Variants in EBF2 observed in about 807,000 individuals in gnomAD.
EBF2 encodes transcription factor COE2.
A neutral mutation model predicts 72.8 loss-of-function variants in EBF2; 21 were observed. That is an observed-to-expected ratio of 0.29 (90% CI 0.20 to 0.42). The LOEUF (loss-of-function observed/expected upper bound fraction) is 0.42, where lower values mean the gene tolerates loss of function less well. EBF2 is among the 10% of genes least tolerant of loss of function. EBF2 has a pLI of 1.00. For missense variants in EBF2, 637 were observed against 731.2 expected (o/e 0.87, Z 1.49); for synonymous variants, 299 against 274.2 (o/e 1.09, Z -0.89).
intron 6 of EBF2, among the ~76,000 whole-genome samples, chr8:26,002,169 C>T (rs1804738802): frequency 6.6e-6 from 1 of 152,128 alleles, no homozygotes; most frequent in Non-Finnish European, 1.5e-5. Flanking sequence ...CAGCCCAGGG[C>T]CAGGATCCCA....
intron 6 of EBF2, among the ~76,000 whole-genome samples, chr8:25,932,329 T>C (rs1803498224): frequency 6.6e-6 from 1 of 151,230 alleles, no homozygotes; most frequent in Non-Finnish European, 1.5e-5. Context: ...CAGGTTGAAA[T>C]TGATGCAATT....
intron 6 of EBF2, among the ~76,000 whole-genome samples, chr8:25,986,661 C>T (rs1585217247): frequency 7.0e-6 from 1 of 142,410 alleles, no homozygotes; most frequent in South Asian, 2.4e-4. Context: ...TATGATACAC[C>T]AATAACAACA....
At chr8:25,856,951 C>CT (rs1301860481) in intron 14 of EBF2, among the ~76,000 whole-genome samples, 1 of 152,122 alleles carries the variant, frequency 6.6e-6, no homozygotes, top group Admixed American at 6.6e-5. Context: ...ATATTTGTTT[C>CT]TTTTAGCTCA....
chr8:25,968,009 T>C (rs1185175559), intron 6 of EBF2, among the ~76,000 whole-genome samples: 2 of 152,234 alleles, frequency 1.3e-5, no homozygotes, highest in African/African-American at 4.8e-5. Flanking sequence ...CAATATGCAC[T>C]TACAGTATGC....
intron 6 of EBF2, among the ~76,000 whole-genome samples, chr8:25,943,969 C>T (rs1392534155): frequency 6.6e-6 from 1 of 152,112 alleles, no homozygotes; most frequent in Non-Finnish European, 1.5e-5. Context: ...AGAACAGGGT[C>T]CCAGTTGTGT....
intron 6 of EBF2, among the ~76,000 whole-genome samples, chr8:25,962,367 G>A (rs543528131): frequency 1.3e-5 from 2 of 152,172 alleles, no homozygotes; most frequent in African/African-American, 4.8e-5. Context: ...AGAATAACAA[G>A]CCCCTCCAGA....
At chr8:25,925,104 C>T (rs1247454619) in intron 6 of EBF2, among the ~76,000 whole-genome samples, 1 of 152,116 alleles carries the variant, frequency 6.6e-6, no homozygotes, top group Non-Finnish European at 1.5e-5. Flanking sequence ...TGGTCATTTT[C>T]CTATTGTTGG....
intron 10 of EBF2, among the ~76,000 whole-genome samples, chr8:25,871,830 GTATAA>G (rs1802443592): frequency 6.6e-6 from 1 of 151,864 alleles, no homozygotes; most frequent in African/African-American, 2.4e-5. Context: ...TTGATTGCGG[GTATAA>G]TATATGAGAT....
chr8:25,890,571 C>A (rs999451748), intron 7 of EBF2, among the ~76,000 whole-genome samples: 6 of 152,122 alleles, frequency 3.9e-5, no homozygotes, highest in Non-Finnish European at 8.8e-5. Flanking sequence ...AATTACTTCA[C>A]CTTTTCTAAT....
In EBF2 at chr8:25,886,785, T is replaced by G; in HGVS notation, c.979A>C (p.Lys327Gln). Reference protein sequence around the residue: ...TLSYKSKQFCKGAPGRFIYTA... With the variant: ...TLSYKSKQFCQGAPGRFIYTA... ...TAAATGAACCTTCCTGGGGCTCCTT[T>G]GCAGAACTGTTTAGATTTATAAGAT... Residue 327 changes from lysine to glutamine, a missense_variant, in exon 10 of 16, where the codon AAA (lysine) becomes CAA (glutamine). This residue lies in a region of EBF2 where 204 missense variants were observed against 301.2 expected (regional missense o/e 0.68). Coordinates refer to ENST00000520164, the MANE Select transcript of EBF2 (RefSeq NM_022659.4). 2 of 1,611,934 alleles carry G rather than the reference T, an allele frequency of 1.2e-6. No individual in the cohort carries two copies. Among genetic ancestry groups the G allele is most frequent in the South Asian group, 2.2e-5 (2 of 90,428 alleles).
intron 6 of EBF2, among the ~76,000 whole-genome samples, chr8:25,983,066 A>G (rs1804388368): frequency 6.6e-6 from 1 of 152,194 alleles, no homozygotes; most frequent in Non-Finnish European, 1.5e-5. Flanking sequence ...GGAACCAGGA[A>G]TCACAAACGC....
intron 15 of EBF2, among the ~76,000 whole-genome samples, chr8:25,847,054 G>C (rs1423883934): frequency 6.6e-6 from 1 of 152,180 alleles, no homozygotes; most frequent in African/African-American, 2.4e-5. Flanking sequence ...CTGCATGTCT[G>C]GGTTCAAGTC....
intron 6 of EBF2, among the ~76,000 whole-genome samples, chr8:26,005,297 AT>A (rs1407540853): frequency 3.1e-4 from 2 of 6,496 alleles, no homozygotes; most frequent in Non-Finnish European, 5.8e-4. Context: ...TTATATAATT[AT>A]ATATAATTAT....
chr8:25,900,245 C>T (rs544815809), intron 7 of EBF2, among the ~76,000 whole-genome samples: 5 of 152,298 alleles, frequency 3.3e-5, no homozygotes, highest in Non-Finnish European at 7.4e-5. Context: ...CACTTGAGCC[C>T]AGGGGTTCGA....
intron 10 of EBF2, among the ~76,000 whole-genome samples, chr8:25,884,718 G>C (rs922283540): frequency 6.6e-6 from 1 of 152,112 alleles, no homozygotes; most frequent in South Asian, 2.1e-4. Flanking sequence ...TTTGGAGCTG[G>C]AACAGTAACT....
chr8:25,999,714 T>C (rs1321978315), intron 6 of EBF2, among the ~76,000 whole-genome samples: 1 of 151,790 alleles, frequency 6.6e-6, no homozygotes, highest in African/African-American at 2.4e-5. Context: ...CCTGTGAAAG[T>C]TCCTCCCTTC....
rs62499101 is a variant in EBF2, at chr8:25,947,689, C to T, written c.552-39134G>A. 6.2e-3 allele frequency among the ~76,000 whole-genome samples: 946 copies of T among 152,322 alleles called. 9 individuals carry two copies. The highest frequency in any genetic ancestry group is 0.041 in the South Asian group (200 of 4,826). ...ATTGGAAGTGTTGCAACACGACACA[C>T]TCCCCTTCTTTCTTGCACATGCACA... On this transcript the variant is annotated intron_variant, in intron 6 of 15. Transcript: ENST00000520164.
At chr8:25,916,083 T>G (rs1355454381) in intron 6 of EBF2, among the ~76,000 whole-genome samples, 2 of 151,866 alleles carry the variant, frequency 1.3e-5, no homozygotes, top group African/African-American at 2.4e-5. Context: ...ATCAGGAGCT[T>G]GAGACCAGCC....
chr8:25,970,152 G>C (rs1804168891), intron 6 of EBF2, among the ~76,000 whole-genome samples: 1 of 152,188 alleles, frequency 6.6e-6, no homozygotes, highest in Non-Finnish European at 1.5e-5. Flanking sequence ...CTGACCCAGA[G>C]AGGCAGTTGC....
Sources: gnomAD v4.1 joint callset for allele counts (sites outside exome capture counted in the v4.1 genomes callset) on GRCh38, gnomAD v4.1.1 for gene constraint, gnomAD v4.1.1 regional missense constraint, MANE v1.5 for transcripts, NCBI Gene and HGNC (gene_info 2026-07-23, HGNC 2026-07-21) for gene names.